Variants in DPP8 observed in about 807,000 individuals in gnomAD.
DPP8 encodes DPP VIII.
Under a neutral mutation model 107.5 loss-of-function variants are expected in DPP8, and 31 were observed. That is an observed-to-expected ratio of 0.29 (90% CI 0.22 to 0.39). The LOEUF is 0.39. DPP8 is among the 10% of genes least tolerant of loss of function. The pLI, the probability that DPP8 is intolerant of heterozygous loss-of-function variation, is 1.00. For synonymous variants in DPP8, 381 were observed against 356.6 expected (o/e 1.07, Z -0.77); for missense variants, 842 against 1,076.1 (o/e 0.78, Z 3.04).
intron 14 of DPP8, among the ~76,000 whole-genome samples, chr15:65,465,834 G>A (rs1031762583): frequency 3.9e-5 from 6 of 152,158 alleles, no homozygotes; most frequent in Admixed American, 2.0e-4. Flanking sequence ...GGGATTACAC[G>A]TGTGAGCCAC....
intron 10 of DPP8, among the ~76,000 whole-genome samples, chr15:65,479,348 T>C (rs1018521149): frequency 1.3e-5 from 2 of 152,194 alleles, no homozygotes; most frequent in South Asian, 2.1e-4. Flanking sequence ...TGTTTAATAA[T>C]ATAAATCTTG....
intron 13 of DPP8, 89 bp downstream of exon 13, chr15:65,466,982 G>GCAGGC: frequency 6.6e-7 from 1 of 1,518,032 alleles, no homozygotes. Context: ...TTAGGCTTTT[G>GCAGGC]CAGGCCAATT....
chr15:65,456,933 T>C (rs1309480308), intron 15 of DPP8, among the ~76,000 whole-genome samples: 1 of 152,198 alleles, frequency 6.6e-6, no homozygotes, highest in Admixed American at 6.6e-5. Context: ...ATTTACCGTT[T>C]TCTGTGTCTG....
At chr15:65,500,160 TG>T (rs1281901886) in intron 4 of DPP8, among the ~76,000 whole-genome samples, 1 of 152,126 alleles carries the variant, frequency 6.6e-6, no homozygotes, top group South Asian at 2.1e-4. Flanking sequence ...GGCTCATGTC[TG>T]TAATCCTAGC....
chr15:65,510,928 TCTGA>T (rs1403867579), intron 2 of DPP8, among the ~76,000 whole-genome samples: 6 of 152,202 alleles, frequency 3.9e-5, no homozygotes, highest in African/African-American at 1.4e-4. Flanking sequence ...TGTTCGCTAA[TCTGA>T]CTGGGAAAGA....
chr15:65,462,213 GC>G (rs1269434605), intron 15 of DPP8, among the ~76,000 whole-genome samples: 2 of 148,810 alleles, frequency 1.3e-5, no homozygotes, highest in African/African-American at 5.0e-5. Context: ...AGGTGATCCT[GC>G]TGCCTCAGCC....
At chr15:65,465,847 C>T (rs1193602658) in intron 14 of DPP8, among the ~76,000 whole-genome samples, 6 of 152,096 alleles carry the variant, frequency 3.9e-5, no homozygotes, top group South Asian at 2.1e-4. Context: ...TGAGCCACCA[C>T]GCCCAGCCCA....
intron 16 of DPP8, 53 bp downstream of exon 16, chr15:65,456,172 T>G: frequency 2.5e-6 from 4 of 1,579,718 alleles, no homozygotes; most frequent in Admixed American, 3.6e-5. Context: ...CACCAAACAA[T>G]GGACCAGAAA....
chr15:65,504,153 G>A (rs1043308487), intron 3 of DPP8, among the ~76,000 whole-genome samples: 30 of 151,270 alleles, frequency 2.0e-4, no homozygotes, highest in African/African-American at 6.5e-4. Flanking sequence ...ACCTGAGGTC[G>A]GAAGTTCAAG....
chr15:65,498,601 C>A (rs547754505), intron 4 of DPP8, among the ~76,000 whole-genome samples: 3 of 152,150 alleles, frequency 2.0e-5, no homozygotes, highest in Non-Finnish European at 4.4e-5. Context: ...GTTGCCCAAC[C>A]TGTTTAAGAG....
chr15:65,452,014 T>C lies in DPP8; in HGVS notation c.2360A>G (p.Glu787Gly). 1 of 1,613,286 alleles carries C rather than the reference T, an allele frequency of 6.2e-7. No individual in the cohort carries two copies. The highest frequency in any genetic ancestry group is 2.2e-5 in the East Asian group (1 of 44,818). ...ERYMGHPDQN[E>G]QGYYLGSVAM... ...CACAGATCCTAAGTAATAGCCCTGT[T>C]CATTCTGGTCAGGGTGACCCATATA... is the stretch of plus-strand genomic sequence containing the variant. The change falls in exon 18 of 20, where the codon GAA (glutamate) becomes GGA (glycine). Residue 787 changes from glutamate to glycine, a missense_variant. By Grantham distance (98) the Glu-to-Gly change is moderately conservative (BLOSUM62 -2). Around this residue, in one of 2 missense-constraint regions of DPP8, gnomAD observed 179 missense variants for 318.0 expected, o/e 0.56. Transcript: ENST00000300141.
rs112399824 is a variant in DPP8 at position 65,478,812 on chromosome 15, T to C, written c.1456+68A>G. On this transcript the variant is annotated intron_variant, in intron 11 of 19. Coordinates refer to ENST00000300141, the MANE Select transcript of DPP8 (RefSeq NM_130434.5). The stretch of plus-strand genomic sequence containing the variant: ...GCTTATAAAGCATGCAAAAGATACA[T>C]TCCCCTGTCCCTCCCACCTTCTGCT... The C allele has an allele frequency of 1.8e-5, 20 of 1,111,954 alleles. No homozygotes were observed. In the African/African-American group the frequency reaches 2.3e-4, roughly 13 times the overall value. The allele number at this position is 1,111,954 out of a possible 1,614,324, so 68.9% of individuals were successfully genotyped here. A position where few individuals can be genotyped will look rare whatever the true frequency, so the allele number is the denominator to read the frequency against.
chr15:65,507,205 A>G (rs774014713), intron 3 of DPP8, 38 bp downstream of exon 3: 1 of 1,248,092 alleles, frequency 8.0e-7, no homozygotes, highest in Admixed American at 2.0e-5. Flanking sequence ...ATCTGAATAC[A>G]TACACCAAAT....
In DPP8 at chr15:65,443,061, T is replaced by C. The variant is rs1320273393; in HGVS notation, c.*3823A>G. On this transcript the variant is annotated 3_prime_UTR_variant, in exon 20 of 20. Coordinates refer to ENST00000300141, the MANE Select transcript of DPP8 (RefSeq NM_130434.5). ...GCAATGAGTTTAATTAACTTCAGAA[T>C]GTCATATACTAATCAGAAGTACTGC... is the stretch of plus-strand genomic sequence containing the variant. The C allele has an allele frequency of 6.6e-6, 1 of 152,216 alleles. No individual in the cohort carries two copies. The highest frequency in any genetic ancestry group is 1.5e-5 in the Non-Finnish European group (1 of 68,038). 9.4% of individuals were successfully genotyped at this position (152,216 alleles called of 1,614,324 possible). A position where few individuals can be genotyped will look rare whatever the true frequency, so the allele number is the denominator to read the frequency against.
intron 15 of DPP8, among the ~76,000 whole-genome samples, chr15:65,459,844 A>C (rs1346273306): frequency 1.3e-5 from 2 of 151,998 alleles, no homozygotes; most frequent in African/African-American, 4.8e-5. Context: ...AGTCCCAACT[A>C]CTCAAGAGGC....
chr15:65,464,041 G>A lies in DPP8; in HGVS notation c.1826-135C>T, dbSNP rs1345696478. The A allele has an allele frequency of 2.2e-5, 14 of 646,198 alleles. No individual in the cohort carries two copies. In the South Asian group the frequency reaches 3.2e-4, roughly 15 times the overall value. 40.0% of individuals were successfully genotyped at this position (646,198 alleles called of 1,614,324 possible). On this transcript the variant is annotated intron_variant, in intron 14 of 19. Transcript: ENST00000300141. ...CACCCCTCTTTCAGATGATAAGCTA[G>A]AATTTAAGCAAGAGTATATTCATCT...
At chr15:65,464,055 G>C in intron 14 of DPP8, 149 bp from the exon 15 acceptor site, 1 of 615,032 alleles carries the variant, frequency 1.6e-6, no homozygotes, top group Non-Finnish European at 2.7e-6. Context: ...TTAAGCAAGA[G>C]TATATTCATC....
intron 13 of DPP8, 96 bp downstream of exon 13, chr15:65,466,975 G>A: frequency 7.4e-6 from 11 of 1,494,902 alleles, no homozygotes; most frequent in Non-Finnish European, 9.1e-6. Flanking sequence ...TAGAGAATTA[G>A]GCTTTTGCAG....
chr15:65,481,128 G>A (rs1287814266), intron 9 of DPP8, among the ~76,000 whole-genome samples: 2 of 151,726 alleles, frequency 1.3e-5, no homozygotes, highest in South Asian at 2.1e-4. Context: ...GTCAACAAAT[G>A]CCAGTCTTGT....
Sources: gnomAD v4.1 joint callset for allele counts (sites outside exome capture counted in the v4.1 genomes callset) on GRCh38, gnomAD v4.1.1 for gene constraint, gnomAD v4.1.1 regional missense constraint, MANE v1.5 for transcripts, NCBI Gene and HGNC (gene_info 2026-07-23, HGNC 2026-07-21) for gene names.